Variants in GFRA2 observed in about 807,000 individuals in gnomAD.
GFRA2 encodes the protein GDNF family receptor alpha 2.
GFRA2 carries 17 observed loss-of-function variants against 48.3 expected under a neutral mutation model. The ratio of observed to expected loss-of-function variants is 0.35; its 90% CI spans 0.24 to 0.53. The LOEUF (loss-of-function observed/expected upper bound fraction) is 0.53. Ranked by LOEUF, GFRA2 falls within the 20% of genes least tolerant of loss-of-function variation. The pLI is 0.93. For missense variants in GFRA2, 660 were observed against 637.3 expected (o/e 1.04, Z -0.38); for synonymous variants, 305 against 257.2 (o/e 1.19, Z -1.78).
At chr8:21,703,348 C>T (rs952130567) in intron 6 of GFRA2, among the ~76,000 whole-genome samples, 5 of 152,084 alleles carry the variant, frequency 3.3e-5, no homozygotes, top group Non-Finnish European at 5.9e-5. Flanking sequence ...AAGCTCCTCA[C>T]CCCCAGCTCC....
upstream of GFRA2, among the ~76,000 whole-genome samples, chr8:21,789,692 C>G (rs1284605054): frequency 7.9e-5 from 12 of 152,056 alleles, no homozygotes; most frequent in Admixed American, 7.9e-4. Context: ...GCGCGGACCT[C>G]GGGAACTTTG....
chr8:21,769,248 C>T (rs1269996477), intron 3 of GFRA2: 1 of 841,888 alleles, frequency 1.2e-6, no homozygotes, highest in Non-Finnish European at 1.4e-6. Context: ...CCCAGCCCCG[C>T]CCCAGCCCCG....
intron 4 of GFRA2, among the ~76,000 whole-genome samples, chr8:21,722,246 G>A (rs2117450148): frequency 6.6e-6 from 1 of 152,148 alleles, no homozygotes; most frequent in African/African-American, 2.4e-5. Flanking sequence ...CCCACCTCCT[G>A]GCCACCTGAG....
At chr8:21,792,655 G>A (rs1339779755), upstream of GFRA2, among the ~76,000 whole-genome samples, 4 of 152,224 alleles carry the variant, frequency 2.6e-5, no homozygotes, top group South Asian at 4.1e-4. Flanking sequence ...CAATCAGAGA[G>A]GACTTGCTAG....
At chr8:21,757,052 A>C (rs6587005) in intron 3 of GFRA2, among the ~76,000 whole-genome samples, 1 of 152,200 alleles carries the variant, frequency 6.6e-6, no homozygotes, top group African/African-American at 2.4e-5. Context: ...CCCAACCTCC[A>C]GCTCCTGGCC....
chr8:21,750,563 C>G lies in GFRA2; in HGVS notation c.794+25G>C, dbSNP rs768536935. 7.0e-7 allele frequency: 1 copy of G among 1,436,808 alleles called. No homozygotes were observed. Among genetic ancestry groups the G allele is most frequent in the Non-Finnish European group, 9.6e-7 (1 of 1,040,388 alleles). The allele number at this position is 1,436,808 out of a possible 1,614,324, so 89.0% of individuals were successfully genotyped here. ...CAATGCAAGCGCCCTCCTGCCAGCA[C>G]CACCGGGGCTGCCGCGGCACTCACC... On this transcript the variant is annotated intron_variant, in intron 4 of 8. Transcript: ENST00000524240. The surrounding 1 kb of genome is among the most constrained non-coding windows in gnomAD (Gnocchi z 5.7).
chr8:21,756,860 G>T (rs926089647), intron 3 of GFRA2, among the ~76,000 whole-genome samples: 1 of 152,210 alleles, frequency 6.6e-6, no homozygotes, highest in Non-Finnish European at 1.5e-5. Flanking sequence ...ATTGATCCCA[G>T]TCCTGGGCTG....
intron 3 of GFRA2, among the ~76,000 whole-genome samples, chr8:21,770,865 C>T (rs1200280164): frequency 4.6e-5 from 7 of 152,230 alleles, no homozygotes; most frequent in Non-Finnish European, 1.0e-4. Context: ...GGTCCTCCTT[C>T]CCTCCGCAAT....
intron 4 of GFRA2, among the ~76,000 whole-genome samples, chr8:21,728,003 C>T (rs1054874037): frequency 2.6e-5 from 4 of 152,038 alleles, no homozygotes; most frequent in Non-Finnish European, 4.4e-5. Context: ...CAGGCAGGGG[C>T]GACGTCAGAA....
intron 2 of GFRA2, among the ~76,000 whole-genome samples, chr8:21,781,592 CCT>C (rs1011838826): frequency 6.6e-6 from 1 of 152,088 alleles, no homozygotes; most frequent in African/African-American, 2.4e-5. Flanking sequence ...ACCATCGCAC[CCT>C]GTGTCTTCCC....
chr8:21,782,441 T>A lies in GFRA2; in HGVS notation c.355+144A>T, dbSNP rs377742174. On this transcript the variant is annotated intron_variant, in intron 2 of 8. Transcript: ENST00000524240. ...AGGTGGGGCGGCGACTTCTCTGGGT[T>A]CTAGGTTCCCCTAGCAGGTAGACAT... 9 of 659,012 alleles carry A rather than the reference T, an allele frequency of 1.4e-5. No homozygotes were observed. In the African/African-American group the frequency reaches 1.6e-4, roughly 12 times the overall value. 40.8% of individuals were successfully genotyped at this position (659,012 alleles called of 1,614,324 possible). A position where few individuals can be genotyped will look rare whatever the true frequency, so the allele number is the denominator to read the frequency against.
intron 7 of GFRA2, among the ~76,000 whole-genome samples, chr8:21,701,467 GAGA>G (rs1802474879): frequency 6.6e-6 from 1 of 152,218 alleles, no homozygotes; most frequent in African/African-American, 2.4e-5. Context: ...CCATTTCTCT[GAGA>G]AGAAGCCTGG....
chr8:21,745,126 A>G (rs536116870), intron 4 of GFRA2, among the ~76,000 whole-genome samples: 11 of 152,324 alleles, frequency 7.2e-5, no homozygotes, highest in African/African-American at 2.6e-4. Context: ...CAGCATGCAG[A>G]GCCTGCTAAA....
intron 1 of GFRA2, among the ~76,000 whole-genome samples, chr8:21,810,052 A>C (rs1807949263): frequency 6.6e-6 from 1 of 152,196 alleles, no homozygotes; most frequent in Admixed American, 6.5e-5. Context: ...AGGCTACAGA[A>C]TAAACAAGCC....
At chr8:21,712,615 C>CA (rs1222435297) in intron 4 of GFRA2, among the ~76,000 whole-genome samples, 1 of 151,776 alleles carries the variant, frequency 6.6e-6, no homozygotes, top group African/African-American at 2.4e-5. Flanking sequence ...GGCGGCCGGG[C>CA]AGAGGCTGCA....
chr8:21,697,700 G>C (rs555016149), intron 7 of GFRA2, among the ~76,000 whole-genome samples: 2 of 152,298 alleles, frequency 1.3e-5, no homozygotes, highest in Admixed American at 1.3e-4. Flanking sequence ...ATCTTGAATT[G>C]TAGCTCCTAT....
chr8:21,719,312 C>G (rs779078014), intron 4 of GFRA2, among the ~76,000 whole-genome samples: 5 of 152,114 alleles, frequency 3.3e-5, no homozygotes, highest in Non-Finnish European at 5.9e-5. Context: ...AAGGCCACAT[C>G]CTTCTCCTTG....
intron 4 of GFRA2, among the ~76,000 whole-genome samples, chr8:21,707,733 A>G (rs1446571019): frequency 6.6e-6 from 1 of 152,214 alleles, no homozygotes; most frequent in Non-Finnish European, 1.5e-5. Context: ...GCACTTTAAA[A>G]GGCACTTTAA....
rs1805235474 is a variant in GFRA2 at position 21,750,513 on chromosome 8, G to A, written c.794+75C>T. 2.5e-6 allele frequency: 2 copies of A among 799,030 alleles called. No individual in the cohort carries two copies. The highest frequency in any genetic ancestry group is 4.1e-6 in the Non-Finnish European group (2 of 491,986). The allele number at this position is 799,030 out of a possible 1,614,324, so 49.5% of individuals were successfully genotyped here. ...TCATAATTCGATGCACCCAAGGAATGCAGAGAAAGGAAAACACAGCCTGGC... is the reference window on the plus strand; with the variant it reads ...TCATAATTCGATGCACCCAAGGAATACAGAGAAAGGAAAACACAGCCTGGC... On this transcript the variant is annotated intron_variant, in intron 4 of 8. Coordinates refer to ENST00000524240, the MANE Select transcript of GFRA2 (RefSeq NM_001495.5). This position sits in a 1 kb window ranked among gnomAD's most constrained non-coding sequence, Gnocchi z 5.7.
Sources: allele counts gnomAD v4.1 joint callset (sites outside exome capture counted in the v4.1 genomes callset), GRCh38; gene constraint gnomAD v4.1.1; non-coding constraint Gnocchi (gnomAD v3.1); transcripts MANE v1.5; gene names NCBI Gene and HGNC (gene_info 2026-07-23, HGNC 2026-07-21).